Variants in SELENOF observed in about 807,000 individuals in gnomAD.
SELENOF encodes 15 kDa selenoprotein.
Under a neutral mutation model 20.5 loss-of-function variants are expected in SELENOF, and 16 were observed. That is an observed-to-expected ratio of 0.78 (90% CI 0.53 to 1.19). The LOEUF (loss-of-function observed/expected upper bound fraction) is 1.19. Ranked by LOEUF, SELENOF falls within the 50% of genes most tolerant of loss-of-function variation. SELENOF has a pLI of 0.00. For synonymous variants in SELENOF, 78 were observed against 74.5 expected (o/e 1.05, Z -0.24); for missense variants, 215 against 194.2 (o/e 1.11, Z -0.64).
rs373308901 is a variant in SELENOF at position 86,897,036 on chromosome 1, T to C, written c.252+6245A>G. On this transcript the variant is annotated intron_variant, in intron 2 of 4. Transcript: ENST00000331835. ...AAATCAAAGAGCAGGCCGGGCACGG[T>C]GGCTCACGCCTGTAATTCTAGCACT... 4.0e-5 allele frequency among the ~76,000 whole-genome samples: 6 copies of C among 151,570 alleles called. No homozygotes were observed. The South Asian group carries it at 8.3e-4, about 21-fold the overall frequency.
At chr1:86,888,442 T>G (rs1348241787) in intron 2 of SELENOF, among the ~76,000 whole-genome samples, 1 of 152,112 alleles carries the variant, frequency 6.6e-6, no homozygotes, top group South Asian at 2.1e-4. Flanking sequence ...GAAATCTTTT[T>G]TTTAAAAATT....
At chr1:86,911,288 A>G (rs1177248710) in intron 1 of SELENOF, among the ~76,000 whole-genome samples, 1 of 152,248 alleles carries the variant, frequency 6.6e-6, no homozygotes, top group Non-Finnish European at 1.5e-5. Context: ...AGGGTAGGAG[A>G]AAGGGAGGAA....
At chr1:86,900,521 G>C (rs1183970186) in intron 2 of SELENOF, among the ~76,000 whole-genome samples, 1 of 152,162 alleles carries the variant, frequency 6.6e-6, no homozygotes, top group African/African-American at 2.4e-5. Context: ...AGGTTGCAGT[G>C]AGCCGAGATG....
chr1:86,895,604 T>A (rs1038177471), intron 2 of SELENOF, among the ~76,000 whole-genome samples: 5 of 152,250 alleles, frequency 3.3e-5, no homozygotes, highest in Admixed American at 3.3e-4. Flanking sequence ...TATCTGAATC[T>A]AGACAGTCTG....
intron 2 of SELENOF, among the ~76,000 whole-genome samples, chr1:86,890,844 T>C (rs1351345918): frequency 6.6e-6 from 1 of 152,064 alleles, no homozygotes; most frequent in Admixed American, 6.6e-5. Context: ...TTAGTTCTGT[T>C]GGTCACTTCC....
At chr1:86,907,755 G>A (rs524450) in intron 1 of SELENOF, among the ~76,000 whole-genome samples, 17,613 of 152,060 alleles carry the variant, frequency 0.12, 1,635 homozygotes, top group African/African-American at 0.25. Context: ...AGGCCAAGGT[G>A]GGTGGATCAC....
At chr1:86,902,275 A>G (rs1659722334) in intron 2 of SELENOF, among the ~76,000 whole-genome samples, 1 of 152,216 alleles carries the variant, frequency 6.6e-6, no homozygotes, top group Non-Finnish European at 1.5e-5. Flanking sequence ...AGTGAAAAAC[A>G]TGTAAGGCTT....
At chr1:86,880,139 CTT>C (rs201093710) in intron 3 of SELENOF, among the ~76,000 whole-genome samples, 15 of 143,356 alleles carry the variant, frequency 1.0e-4, no homozygotes, top group East Asian at 2.0e-4. Context: ...ATCTGAATTT[CTT>C]TTTTTTTTTT....
Position 86,875,437 on chromosome 1 carries a change from C to T in SELENOF, c.316+5225G>A, listed in dbSNP as rs568074149. 3.3e-5 allele frequency among the ~76,000 whole-genome samples: 5 copies of T among 152,166 alleles called. 1 individual carries two copies. The South Asian group carries it at 1.0e-3, about 32-fold the overall frequency. ...TATGACTTTTAGGAAAAGATGAGAA[C>T]TTTTTATAAACGTTTGAATCCTGTA... On this transcript the variant is annotated intron_variant, in intron 3 of 4. Transcript: ENST00000331835.
At chr1:86,896,253 AG>A (rs1397035502) in intron 2 of SELENOF, among the ~76,000 whole-genome samples, 8 of 103,664 alleles carry the variant, frequency 7.7e-5, no homozygotes, top group South Asian at 3.4e-4. Context: ...CAAAACAAAG[AG>A]GGGGGGAGGG....
At chr1:86,885,297 A>T (rs143627994) in intron 2 of SELENOF, among the ~76,000 whole-genome samples, 18 of 152,310 alleles carry the variant, frequency 1.2e-4, no homozygotes, top group African/African-American at 4.1e-4. Flanking sequence ...CATGTAGAAA[A>T]AGGCCACACT....
intron 1 of SELENOF, among the ~76,000 whole-genome samples, chr1:86,908,154 A>G (rs370201234): frequency 6.6e-6 from 1 of 152,168 alleles, no homozygotes. Context: ...TGATCTAGCT[A>G]TATATTTTGT....
At chr1:86,894,502 A>T (rs1370765480) in intron 2 of SELENOF, among the ~76,000 whole-genome samples, 1 of 152,178 alleles carries the variant, frequency 6.6e-6, no homozygotes, top group East Asian at 1.9e-4. Flanking sequence ...TTAAAATATG[A>T]GTCTCCTTCA....
chr1:86,879,070 T>C (rs1422043519), intron 3 of SELENOF, among the ~76,000 whole-genome samples: 1 of 152,182 alleles, frequency 6.6e-6, no homozygotes, highest in East Asian at 1.9e-4. Context: ...TAAAATCTGA[T>C]ATCATAACTA....
At chr1:86,896,576 G>A (rs952648729) in intron 2 of SELENOF, among the ~76,000 whole-genome samples, 3 of 152,184 alleles carry the variant, frequency 2.0e-5, no homozygotes, top group African/African-American at 7.2e-5. Context: ...TGATGGTCAT[G>A]TATACTTTGA....
intron 4 of SELENOF, among the ~76,000 whole-genome samples, chr1:86,866,226 GTC>G (rs1330191596): frequency 1.5e-4 from 16 of 107,802 alleles, no homozygotes; most frequent in South Asian, 1.2e-3. Flanking sequence ...AAAAGTGTGT[GTC>G]TCTGTGTGTG....
At chr1:86,866,238 G>C (rs998338490) in intron 4 of SELENOF, among the ~76,000 whole-genome samples, 6 of 144,416 alleles carry the variant, frequency 4.2e-5, no homozygotes, top group African/African-American at 1.3e-4. Flanking sequence ...CTCTGTGTGT[G>C]TGTGTGTGTG....
At chr1:86,873,378 T>A (rs1251353413) in intron 3 of SELENOF, among the ~76,000 whole-genome samples, 1 of 152,194 alleles carries the variant, frequency 6.6e-6, no homozygotes, top group African/African-American at 2.4e-5. Flanking sequence ...GGTTTCAGAG[T>A]CTGAGCTTCT....
Position 86,880,589 on chromosome 1 carries a change from T to C in SELENOF, c.316+73A>G, listed in dbSNP as rs1659042562. The stretch of plus-strand genomic sequence containing the variant: ...CTAAAAATTCTTATTCCTGGGAATA[T>C]ATAGTGAAAACGATTCACATAAAAT... On this transcript the variant is annotated intron_variant, in intron 3 of 4. Transcript: ENST00000331835. 7.7e-6 allele frequency: 6 copies of C among 775,216 alleles called. No homozygotes were observed. The Admixed American group carries it at 8.9e-5, about 11-fold the overall frequency. 48.0% of individuals were successfully genotyped at this position (775,216 alleles called of 1,614,324 possible).
Sources: allele counts gnomAD v4.1 joint callset (sites outside exome capture counted in the v4.1 genomes callset), GRCh38; gene constraint gnomAD v4.1.1; transcripts MANE v1.5; gene names NCBI Gene and HGNC (gene_info 2026-07-23, HGNC 2026-07-21).